The following STXBP5 variants were observed in gnomAD, a reference collection of about 807,000 sequenced individuals.
STXBP5 encodes syntaxin binding protein 5.
STXBP5 carries 50 observed loss-of-function variants against 152.4 expected under a neutral mutation model. That is an observed-to-expected ratio of 0.33 (90% confidence interval 0.26 to 0.42). The LOEUF is 0.42. Ranked by LOEUF, STXBP5 falls within the 10% of genes least tolerant of loss-of-function variation. STXBP5 has a pLI of 1.00. For missense variants in STXBP5, 1,167 were observed against 1,388.6 expected, an observed-to-expected ratio of 0.84 and a Z score of 2.54; for synonymous variants, 492 against 494.7, an observed-to-expected ratio of 0.99 and a Z score of 0.07.
At chr6:147,229,346 CT>C (rs35185669) in intron 2 of STXBP5, among the ~76,000 whole-genome samples, 7 of 150,228 alleles carry the variant, frequency 4.7e-5, no homozygotes, top group South Asian at 2.1e-4. Flanking sequence ...CAAGCTAATT[CT>C]TTTTTTTTAA....
chr6:147,321,683 A>G (rs1458212526), intron 16 of STXBP5, among the ~76,000 whole-genome samples: 1 of 152,254 alleles, frequency 6.6e-6, no homozygotes, highest in East Asian at 1.9e-4. Flanking sequence ...ACTTGCTCAA[A>G]CAATCATTTT....
In STXBP5 at chr6:147,209,090, C is replaced by T. The variant is rs183294133; in HGVS notation, c.248+3022C>T. 3.3e-3 allele frequency among the ~76,000 whole-genome samples: 508 copies of T among 152,144 alleles called. 2 individuals carry two copies. Among genetic ancestry groups the T allele is most frequent in the African/African-American group, 0.011 (474 of 41,520 alleles). On this transcript the variant is annotated intron_variant, in intron 2 of 27. Transcript: ENST00000321680. ...ATTTCAAATTGCTTCATACTTTAAT[C>T]ATGGGTTACCCTGATCTTATTTTTA...
At chr6:147,273,674 G>A (rs1241939047) in intron 7 of STXBP5, among the ~76,000 whole-genome samples, 4 of 152,004 alleles carry the variant, frequency 2.6e-5, no homozygotes, top group African/African-American at 4.8e-5. Flanking sequence ...CGTTGATGCC[G>A]GGCGTGGTGG....
chr6:147,259,627 G>A (rs763866703), intron 4 of STXBP5, among the ~76,000 whole-genome samples: 6 of 152,028 alleles, frequency 3.9e-5, no homozygotes, highest in South Asian at 4.2e-4. Context: ...ATGCTTTGCC[G>A]AGTGCCTAAT....
chr6:147,335,660 C>T (rs997708446), intron 19 of STXBP5, among the ~76,000 whole-genome samples: 2 of 151,918 alleles, frequency 1.3e-5, no homozygotes, highest in South Asian at 2.1e-4. Flanking sequence ...AGTAGCCGGG[C>T]GAGGTAGCAG....
At chr6:147,299,498 A>C (rs1270307566) in intron 9 of STXBP5, among the ~76,000 whole-genome samples, 1 of 152,026 alleles carries the variant, frequency 6.6e-6, no homozygotes, top group African/African-American at 2.4e-5. Flanking sequence ...TTCCAGACTC[A>C]TTATACGAAA....
At chr6:147,307,639 G>A (rs1782161200) in intron 9 of STXBP5, among the ~76,000 whole-genome samples, 1 of 152,098 alleles carries the variant, frequency 6.6e-6, no homozygotes, top group Admixed American at 6.6e-5. Flanking sequence ...CTCACGGGTT[G>A]GATGGTTCTT....
intron 4 of STXBP5, among the ~76,000 whole-genome samples, chr6:147,246,697 G>A (rs974055573): frequency 2.6e-5 from 4 of 152,026 alleles, no homozygotes; most frequent in African/African-American, 4.8e-5. Context: ...TAACATAAGT[G>A]TGCTTTCATT....
chr6:147,212,792 A>G (rs1776925452), intron 2 of STXBP5, among the ~76,000 whole-genome samples: 9 of 152,224 alleles, frequency 5.9e-5, no homozygotes. Context: ...AGAGCATGTG[A>G]ATGAACTAAC....
At chr6:147,324,925 T>C (rs762230489) in intron 16 of STXBP5, 34 bp from the exon 17 acceptor site, 3 of 1,429,312 alleles carry the variant, frequency 2.1e-6, no homozygotes, top group Non-Finnish European at 2.8e-6. Context: ...TAGTTGAAAA[T>C]GGTTTAAAGA....
intron 6 of STXBP5, among the ~76,000 whole-genome samples, chr6:147,265,292 G>T (rs1186786954): frequency 6.6e-6 from 1 of 152,000 alleles, no homozygotes; most frequent in African/African-American, 2.4e-5. Context: ...AGCTGCCCCT[G>T]TACTCTGAAA....
At position 147,204,432 on chromosome 6, in the gene STXBP5, C is replaced by T. The variant is rs902866003; in HGVS notation, c.-101C>T. ...CCTTACCCTCACACTCCCACTCCTC[C>T]GTTTCCGCGGTCGAAGCTGCCTTCG... On this transcript the variant is annotated 5_prime_UTR_variant, in exon 1 of 28. Transcript: ENST00000321680. This position sits in a 1 kb window ranked among gnomAD's most constrained non-coding sequence, Gnocchi z 4.3. 3.5e-6 allele frequency: 4 copies of T among 1,158,328 alleles called. No homozygotes were observed. The highest frequency in any genetic ancestry group is 1.4e-5 in the South Asian group (1 of 70,990). 71.8% of individuals were successfully genotyped at this position (1,158,328 alleles called of 1,614,324 possible). A position where few individuals can be genotyped will look rare whatever the true frequency, so the allele number is the denominator to read the frequency against.
rs957570855 is a variant in STXBP5, at chr6:147,271,895, A to G, written c.714+4728A>G. Among the ~76,000 whole-genome samples, 7 of 152,256 alleles carry G rather than the reference A, an allele frequency of 4.6e-5. No individual in the cohort carries two copies. The South Asian group carries it at 8.3e-4, about 18-fold the overall frequency. On this transcript the variant is annotated intron_variant, in intron 7 of 27. Transcript: ENST00000321680. Reference sequence around the variant, plus strand: ...ATATAGTCAGAGTGGTGAGGAAAAAAAAGACGCAGATTACCCATTATGGAG... The same window carrying G: ...ATATAGTCAGAGTGGTGAGGAAAAAGAAGACGCAGATTACCCATTATGGAG...
chr6:147,312,650 A>G (rs79311620), intron 11 of STXBP5, among the ~76,000 whole-genome samples: 5,031 of 152,270 alleles, frequency 0.033, 78 homozygotes, highest in Middle Eastern at 0.054. Context: ...TGTGAATAGT[A>G]CTGAGGTTGG....
At chr6:147,213,432 ATATGTGTG>A (rs66464562) in intron 2 of STXBP5, among the ~76,000 whole-genome samples, 6,774 of 120,996 alleles carry the variant, frequency 0.056, 237 homozygotes, top group East Asian at 0.17. Context: ...ATAATTTTAT[ATATGTGTG>A]TGTGTGTGTG....
At chr6:147,240,115 T>C (rs1348035421) in intron 4 of STXBP5, among the ~76,000 whole-genome samples, 2 of 152,116 alleles carry the variant, frequency 1.3e-5, no homozygotes. Context: ...CTAATTTTTG[T>C]ATTTTTAGTA....
chr6:147,379,416 G>C (rs559924855), intron 26 of STXBP5, among the ~76,000 whole-genome samples: 2 of 152,194 alleles, frequency 1.3e-5, no homozygotes, highest in African/African-American at 4.8e-5. Context: ...AGAAGTTAAA[G>C]AAGATTCAAA....
intron 9 of STXBP5, among the ~76,000 whole-genome samples, chr6:147,296,126 G>A (rs2128356964): frequency 6.6e-6 from 1 of 152,150 alleles, no homozygotes; most frequent in South Asian, 2.1e-4. Context: ...AGTACTACAT[G>A]TCCTTGCTCC....
At chr6:147,209,131 C>T (rs1434286728) in intron 2 of STXBP5, among the ~76,000 whole-genome samples, 2 of 151,766 alleles carry the variant, frequency 1.3e-5, no homozygotes, top group Non-Finnish European at 1.5e-5. Context: ...AATTTTTTTT[C>T]TAAACACAAT....
Sources: allele counts gnomAD v4.1 joint callset (sites outside exome capture counted in the v4.1 genomes callset), GRCh38; gene constraint gnomAD v4.1.1; non-coding constraint Gnocchi (gnomAD v3.1); transcripts MANE v1.5; gene names NCBI Gene and HGNC (gene_info 2026-07-23, HGNC 2026-07-21).